GKAP1: variants seen among roughly 807,000 people sequenced by gnomAD.
GKAP1 encodes G kinase-anchoring protein 1.
GKAP1 carries 31 observed loss-of-function variants against 56.7 expected under a neutral mutation model. The observed-to-expected ratio is 0.55, with a 90% confidence interval of 0.41 to 0.74. GKAP1 has a LOEUF of 0.74. Ranked by LOEUF, GKAP1 falls within the 30% of genes least tolerant of loss-of-function variation. The pLI is 0.00. For synonymous variants in GKAP1, 151 were observed against 138.6 expected (o/e 1.09, Z -0.63); for missense variants, 364 against 402.3 (o/e 0.90, Z 0.82).
intron 7 of GKAP1, among the ~76,000 whole-genome samples, chr9:83,771,540 A>T (rs1330298889): frequency 6.6e-6 from 1 of 152,246 alleles, no homozygotes; most frequent in Non-Finnish European, 1.5e-5. Flanking sequence ...GAATGACATT[A>T]AAAATGGTTG....
chr9:83,774,655 G>A (rs11140246), intron 7 of GKAP1, among the ~76,000 whole-genome samples: 81,461 of 143,080 alleles, frequency 0.57, 23,751 homozygotes, highest in Admixed American at 0.69. Flanking sequence ...TAGTTAAACT[G>A]AAAAGCTTCG....
At chr9:83,761,526 C>G (rs527874190) in intron 8 of GKAP1, among the ~76,000 whole-genome samples, 1 of 152,178 alleles carries the variant, frequency 6.6e-6, no homozygotes, top group South Asian at 2.1e-4. Context: ...ACTATTCTGA[C>G]AAAAGAGGAG....
intron 7 of GKAP1, among the ~76,000 whole-genome samples, chr9:83,777,873 G>GA (rs940786143): frequency 6.6e-6 from 1 of 151,948 alleles, no homozygotes; most frequent in East Asian, 1.9e-4. Flanking sequence ...ATTCTCTGTG[G>GA]AAAAAAAGAT....
At chr9:83,779,581 A>G in intron 7 of GKAP1, among the ~76,000 whole-genome samples, 1 of 92,530 alleles carries the variant, frequency 1.1e-5, no homozygotes, top group Admixed American at 1.0e-4. Flanking sequence ...ACACATATAT[A>G]TACACGTATA....
At chr9:83,758,064 G>C (rs1449315110) in intron 8 of GKAP1, among the ~76,000 whole-genome samples, 1 of 152,146 alleles carries the variant, frequency 6.6e-6, no homozygotes, top group African/African-American at 2.4e-5. Context: ...GACAGGATCA[G>C]GGATAACTGA....
At chr9:83,806,238 A>T in intron 3 of GKAP1, 64 bp downstream of exon 3, 1 of 1,032,384 alleles carries the variant, frequency 9.7e-7, no homozygotes, top group Non-Finnish European at 1.4e-6. Context: ...GGAACAAGAT[A>T]GTATCTGTTC....
In GKAP1 at chr9:83,779,644, C is replaced by T. The variant is rs187722162; in HGVS notation, c.585+738G>A. Among the ~76,000 whole-genome samples, 406 of 144,904 alleles carry T rather than the reference C, an allele frequency of 2.8e-3. 2 individuals carry two copies. Among genetic ancestry groups the T allele is most frequent in the Middle Eastern group, 7.4e-3 (2 of 270 alleles). ...ACACACACACACACACACACACATTCTAAAGTGAAATCGAGGACCATCTGA... is the reference window on the plus strand; with the variant it reads ...ACACACACACACACACACACACATTTTAAAGTGAAATCGAGGACCATCTGA... On this transcript the variant is annotated intron_variant, in intron 7 of 12. Coordinates refer to ENST00000376371, the MANE Select transcript of GKAP1 (RefSeq NM_025211.4).
intron 8 of GKAP1, among the ~76,000 whole-genome samples, chr9:83,768,325 C>T (rs1007924028): frequency 2.0e-5 from 3 of 152,184 alleles, no homozygotes; most frequent in Admixed American, 6.5e-5. Flanking sequence ...TCAGCTTATA[C>T]AGTTCCTCAC....
intron 3 of GKAP1, among the ~76,000 whole-genome samples, chr9:83,805,553 T>C (rs1944425800): frequency 1.3e-5 from 2 of 152,118 alleles, no homozygotes; most frequent in East Asian, 1.9e-4. Context: ...TATTTACCAA[T>C]ATGGAAAACT....
At chr9:83,754,261 T>A (rs1486384987) in intron 8 of GKAP1, among the ~76,000 whole-genome samples, 3 of 152,140 alleles carry the variant, frequency 2.0e-5, no homozygotes, top group Non-Finnish European at 4.4e-5. Flanking sequence ...AAAAATCAGG[T>A]TAAATCCCTG....
chr9:83,742,648 T>C, intron 10 of GKAP1, 48 bp from the exon 11 acceptor site: 2 of 1,166,056 alleles, frequency 1.7e-6, no homozygotes, highest in Non-Finnish European at 2.6e-6. Flanking sequence ...GTCACCCAAA[T>C]ACTTCAACAA....
At chr9:83,769,874 T>C (rs372182345) in intron 7 of GKAP1, among the ~76,000 whole-genome samples, 1 of 152,200 alleles carries the variant, frequency 6.6e-6, no homozygotes, top group East Asian at 1.9e-4. Context: ...TCAACACTTG[T>C]TGTTATCTGC....
chr9:83,800,292 T>TA (rs869060430), intron 3 of GKAP1, among the ~76,000 whole-genome samples: 102 of 140,812 alleles, frequency 7.2e-4, no homozygotes, highest in East Asian at 3.2e-3. Context: ...AGGAGCAGTT[T>TA]AAAAAAAAAA....
At chr9:83,803,240 C>T (rs1587737666) in intron 3 of GKAP1, among the ~76,000 whole-genome samples, 1 of 151,496 alleles carries the variant, frequency 6.6e-6, no homozygotes, top group East Asian at 1.9e-4. Context: ...TCCCCTCTCC[C>T]CTCTCCCCTC....
In GKAP1 at chr9:83,787,763, T is replaced by A. The variant is rs565124303; in HGVS notation, c.438+838A>T. Reference sequence around the variant, plus strand: ...AAACCAACACTTCTTTTTACTTAAATCCTCCTTTAATAACAAGCTATAGAA... The same window carrying A: ...AAACCAACACTTCTTTTTACTTAAAACCTCCTTTAATAACAAGCTATAGAA... On this transcript the variant is annotated intron_variant, in intron 5 of 12. Coordinates refer to ENST00000376371, the MANE Select transcript of GKAP1 (RefSeq NM_025211.4). Among the ~76,000 whole-genome samples, 8 of 152,292 alleles carry A rather than the reference T, an allele frequency of 5.3e-5. No homozygotes were observed. The East Asian group carries it at 1.5e-3, about 29-fold the overall frequency.
At position 83,764,521 on chromosome 9, in the gene GKAP1, C is replaced by G. The variant is rs542337770; in HGVS notation, c.738+4297G>C. ...GGACTAATACAGTAAATTGGTACCACAGAGAGTCAGGGGCTGCTATAAAGA... is the reference window on the plus strand; with the variant it reads ...GGACTAATACAGTAAATTGGTACCAGAGAGAGTCAGGGGCTGCTATAAAGA... On this transcript the variant is annotated intron_variant, in intron 8 of 12. Transcript: ENST00000376371. Among the ~76,000 whole-genome samples, 14 of 152,166 alleles carry G rather than the reference C, an allele frequency of 9.2e-5. No homozygotes were observed. The East Asian group carries it at 2.3e-3, about 25-fold the overall frequency.
At chr9:83,750,386 C>T (rs1028643947) in intron 9 of GKAP1, among the ~76,000 whole-genome samples, 32 of 152,168 alleles carry the variant, frequency 2.1e-4, no homozygotes, top group African/African-American at 6.8e-4. Flanking sequence ...ATTTAAAACG[C>T]AACATATCCA....
At chr9:83,764,909 T>C (rs2131262053) in intron 8 of GKAP1, among the ~76,000 whole-genome samples, 1 of 152,250 alleles carries the variant, frequency 6.6e-6, no homozygotes, top group East Asian at 1.9e-4. Context: ...AGCCTGACAA[T>C]GCAGTAGAAA....
At chr9:83,803,651 T>C (rs1050691111) in intron 3 of GKAP1, among the ~76,000 whole-genome samples, 5 of 152,152 alleles carry the variant, frequency 3.3e-5, no homozygotes, top group Admixed American at 1.3e-4. Flanking sequence ...AGTGCCAAGA[T>C]TGCAGCCTCT....
Sources: allele counts gnomAD v4.1 joint callset (sites outside exome capture counted in the v4.1 genomes callset), GRCh38; gene constraint gnomAD v4.1.1; transcripts MANE v1.5; gene names NCBI Gene and HGNC (gene_info 2026-07-23, HGNC 2026-07-21).